Variants in DPP10 observed in about 807,000 individuals in gnomAD.
DPP10 encodes the protein dipeptidyl peptidase like 10, also known as inactive dipeptidyl peptidase 10.
Under a neutral mutation model 120.9 loss-of-function variants are expected in DPP10, and 33 were observed. The observed-to-expected ratio is 0.27, with a 90% CI of 0.21 to 0.37. The LOEUF (loss-of-function observed/expected upper bound fraction) is 0.37. Among genes scored for constraint, DPP10 ranks in the 10% least tolerant of loss-of-function variants. The probability of loss-of-function intolerance (pLI) is 1.00; values close to 1 mark genes in which losing one functional copy is unlikely to be tolerated. For synonymous variants in DPP10, 337 were observed against 326.1 expected, an observed-to-expected ratio of 1.03 and a Z score of -0.36; for missense variants, 816 against 942.8, an observed-to-expected ratio of 0.87 and a Z score of 1.76.
chr2:115,392,193 TTTGA>T, intron 3 of DPP10, among the ~76,000 whole-genome samples: 1 of 152,124 alleles, frequency 6.6e-6, no homozygotes, highest in East Asian at 1.9e-4. Flanking sequence ...ATGCTTTTTT[TTTGA>T]TTATTTTGTT....
chr2:115,700,489 G>T (rs1339771891), intron 7 of DPP10, among the ~76,000 whole-genome samples: 2 of 151,972 alleles, frequency 1.3e-5, no homozygotes, highest in Non-Finnish European at 2.9e-5. Flanking sequence ...ATACTTAATG[G>T]TCAAAGACTG....
chr2:114,770,585 C>T (rs1461059785), intron 1 of DPP10, among the ~76,000 whole-genome samples: 1 of 152,096 alleles, frequency 6.6e-6, no homozygotes, highest in Non-Finnish European at 1.5e-5. Context: ...GTTATAGGAG[C>T]TTAATTTATA....
At chr2:114,997,148 TCTAA>T (rs1328802894) in intron 1 of DPP10, among the ~76,000 whole-genome samples, 2 of 146,896 alleles carry the variant, frequency 1.4e-5, no homozygotes, top group African/African-American at 5.5e-5. Flanking sequence ...CCCCAATCAA[TCTAA>T]CTATTAAATC....
intron 1 of DPP10, chr2:114,828,588 G>A (rs561008817): frequency 1.3e-5 from 2 of 152,230 alleles, no homozygotes; most frequent in South Asian, 4.1e-4. Flanking sequence ...CATGAACAAG[G>A]CACTCAAGGA....
At chr2:115,790,128 G>C (rs112682124) in intron 17 of DPP10, among the ~76,000 whole-genome samples, 2 of 148,572 alleles carry the variant, frequency 1.3e-5, no homozygotes, top group African/African-American at 5.0e-5. Context: ...GCCGGACTGC[G>C]GACTGCAGTG....
intron 3 of DPP10, among the ~76,000 whole-genome samples, chr2:115,402,854 A>AAAAAT (rs1476901026): frequency 1.1e-4 from 11 of 97,640 alleles, no homozygotes; most frequent in East Asian, 9.6e-4. Flanking sequence ...AAAAAAAAAA[A>AAAAAT]ATATATATAT....
intron 1 of DPP10, among the ~76,000 whole-genome samples, chr2:114,703,521 T>C (rs1170063641): frequency 6.6e-6 from 1 of 152,150 alleles, no homozygotes; most frequent in Non-Finnish European, 1.5e-5. Context: ...TTAAAATAAA[T>C]GGAAGTGAAA....
intron 1 of DPP10, among the ~76,000 whole-genome samples, chr2:115,073,015 T>C (rs963124060): frequency 6.6e-6 from 1 of 152,142 alleles, no homozygotes; most frequent in African/African-American, 2.4e-5. Context: ...ACTTCTAACC[T>C]CAGGTGATCC....
intron 2 of DPP10, among the ~76,000 whole-genome samples, chr2:115,329,720 A>G (rs964949702): frequency 3.9e-5 from 6 of 152,098 alleles, no homozygotes; most frequent in Non-Finnish European, 8.8e-5. Context: ...GTTTGCTGAG[A>G]ATGATGGTTT....
intron 5 of DPP10, among the ~76,000 whole-genome samples, chr2:115,637,131 A>G (rs2086402893): frequency 6.6e-6 from 1 of 151,690 alleles, no homozygotes; most frequent in African/African-American, 2.4e-5. Flanking sequence ...ATGTAAACAG[A>G]AAAAAAAATC....
At chr2:115,721,506 T>A (rs1300647666) in intron 7 of DPP10, among the ~76,000 whole-genome samples, 2 of 152,102 alleles carry the variant, frequency 1.3e-5, no homozygotes, top group Non-Finnish European at 2.9e-5. Flanking sequence ...GTATAAGTCA[T>A]GTACAACAAT....
At chr2:114,654,774 T>C (rs1696849251) in intron 1 of DPP10, among the ~76,000 whole-genome samples, 1 of 152,110 alleles carries the variant, frequency 6.6e-6, no homozygotes, top group Non-Finnish European at 1.5e-5. Context: ...GTCATCTACC[T>C]GGCCAGTCCC....
intron 3 of DPP10, among the ~76,000 whole-genome samples, chr2:115,388,464 C>T (rs2067105855): frequency 6.6e-6 from 1 of 152,134 alleles, no homozygotes; most frequent in Non-Finnish European, 1.5e-5. Flanking sequence ...TATAGTAAGT[C>T]AGGTGAGAGA....
chr2:114,925,080 G>A (rs961645252), intron 1 of DPP10, among the ~76,000 whole-genome samples: 9 of 151,882 alleles, frequency 5.9e-5, no homozygotes, highest in Admixed American at 2.0e-4. Flanking sequence ...GCATAGTGGC[G>A]GGTGCCTGTA....
intron 1 of DPP10, among the ~76,000 whole-genome samples, chr2:114,917,486 A>G (rs1474137420): frequency 2.0e-5 from 3 of 152,200 alleles, no homozygotes; most frequent in African/African-American, 7.2e-5. Flanking sequence ...TGAAACCAAA[A>G]AAGGAGCCTG....
chr2:114,647,532 T>C (rs1696231111), intron 1 of DPP10, among the ~76,000 whole-genome samples: 1 of 152,008 alleles, frequency 6.6e-6, no homozygotes, highest in African/African-American at 2.4e-5. Context: ...GCTATGTTCT[T>C]AGTGGGTTCT....
intron 1 of DPP10, among the ~76,000 whole-genome samples, chr2:114,667,091 T>C (rs918733573): frequency 6.6e-6 from 1 of 152,184 alleles, no homozygotes; most frequent in Non-Finnish European, 1.5e-5. Flanking sequence ...TGTGTGAGTG[T>C]GGCTGTGTTC....
At chr2:115,781,596 CTT>C (rs1317898765) in intron 16 of DPP10, among the ~76,000 whole-genome samples, 1 of 151,880 alleles carries the variant, frequency 6.6e-6, no homozygotes, top group African/African-American at 2.4e-5. Flanking sequence ...CATGTGTCCT[CTT>C]ATAATATGAA....
chr2:114,474,975 T>C (rs1350363453), intron 1 of DPP10, among the ~76,000 whole-genome samples: 1 of 152,342 alleles, frequency 6.6e-6, no homozygotes, highest in East Asian at 1.9e-4. Context: ...GCGCAGGGGC[T>C]TCTGTGCATC....
Sources: allele counts gnomAD v4.1 joint callset (sites outside exome capture counted in the v4.1 genomes callset), GRCh38; gene constraint gnomAD v4.1.1; transcripts MANE v1.5; gene names NCBI Gene and HGNC (gene_info 2026-07-23, HGNC 2026-07-21).